Variants in ATP8B4 observed in about 807,000 individuals in gnomAD.
ATP8B4 encodes probable phospholipid-transporting ATPase IM.
In ATP8B4, 133 loss-of-function variants were observed where a neutral mutation model predicts 145.6. The observed-to-expected ratio is 0.91, with a 90% CI of 0.79 to 1.05. The LOEUF is 1.05. Ranked by LOEUF, ATP8B4 falls within the 50% of genes least tolerant of loss-of-function variation. The pLI, the probability that ATP8B4 is intolerant of heterozygous loss-of-function variation, is 0.00. For missense variants in ATP8B4, 1,458 were observed against 1,425.2 expected (o/e 1.02, Z -0.37); for synonymous variants, 507 against 492.9 (o/e 1.03, Z -0.38).
chr15:50,137,479 A>G (rs928946436), intron 1 of ATP8B4, among the ~76,000 whole-genome samples: 1 of 152,204 alleles, frequency 6.6e-6, no homozygotes, highest in African/African-American at 2.4e-5. Context: ...CAAGCGATCA[A>G]TCACCGAATG....
In ATP8B4 at chr15:49,908,067, C is replaced by A. The variant is rs528029823; in HGVS notation, c.2142-6828G>T. The stretch of plus-strand genomic sequence containing the variant: ...TACCCTCTATATACTTCGACTTCCT[C>A]ATATGTCCAACAGGGAAAACAGTAA... On this transcript the variant is annotated intron_variant, in intron 20 of 27. Coordinates refer to ENST00000284509, the MANE Select transcript of ATP8B4 (RefSeq NM_024837.4). 1,482 of 456,046 alleles carry A rather than the reference C, an allele frequency of 3.2e-3. 5 individuals are homozygous for A. The highest frequency in any genetic ancestry group is 3.5e-3 in the Non-Finnish European group (783 of 226,798). 28.2% of individuals were successfully genotyped at this position (456,046 alleles called of 1,614,324 possible).
At chr15:50,073,022 A>ACC (rs2053947503) in intron 3 of ATP8B4, among the ~76,000 whole-genome samples, 1 of 34,972 alleles carries the variant, frequency 2.9e-5, no homozygotes, top group Non-Finnish European at 5.4e-5. Flanking sequence ...ATATATATAC[A>ACC]CACACACACA....
intron 26 of ATP8B4, 39 bp from the exon 27 acceptor site, chr15:49,862,414 G>T (rs2031993804): frequency 6.3e-7 from 1 of 1,591,990 alleles, no homozygotes. Flanking sequence ...GTGGTTACAA[G>T]TAGGACTGAA....
intron 14 of ATP8B4, among the ~76,000 whole-genome samples, chr15:49,935,473 G>A (rs1176636422): frequency 6.6e-6 from 1 of 151,888 alleles, no homozygotes. Flanking sequence ...ATATAATAAC[G>A]GCTGCCATAT....
intron 8 of ATP8B4, among the ~76,000 whole-genome samples, chr15:49,999,203 CA>C (rs959808258): frequency 7.3e-5 from 11 of 150,974 alleles, no homozygotes; most frequent in Non-Finnish European, 1.2e-4. Context: ...ACTATGCAGC[CA>C]AAAAAAATGA....
At chr15:50,107,129 A>T in intron 1 of ATP8B4, 121 bp from the exon 2 acceptor site, 1 of 540,658 alleles carries the variant, frequency 1.8e-6, no homozygotes, top group Non-Finnish European at 3.1e-6. Flanking sequence ...ACAGGAAAGA[A>T]CAACAGATTT....
intron 9 of ATP8B4, among the ~76,000 whole-genome samples, chr15:49,992,000 T>C (rs936341658): frequency 1.3e-5 from 2 of 152,312 alleles, no homozygotes; most frequent in Middle Eastern, 3.4e-3. Context: ...TGGGGTTTTG[T>C]GTCCTTTTGT....
chr15:49,997,979 T>C (rs915063703), intron 8 of ATP8B4, among the ~76,000 whole-genome samples: 2 of 152,026 alleles, frequency 1.3e-5, no homozygotes, highest in African/African-American at 4.8e-5. Context: ...GTGAGAAAAG[T>C]GGTATAGAGG....
At chr15:50,167,903 T>C (rs969438143) in intron 1 of ATP8B4, among the ~76,000 whole-genome samples, 4 of 152,220 alleles carry the variant, frequency 2.6e-5, no homozygotes, top group Non-Finnish European at 5.9e-5. Context: ...AATGGATTCA[T>C]CTGGAGGTGC....
At chr15:49,910,632 A>T (rs1181945609) in intron 20 of ATP8B4, among the ~76,000 whole-genome samples, 3 of 152,204 alleles carry the variant, frequency 2.0e-5, no homozygotes, top group Non-Finnish European at 4.4e-5. Context: ...AGGAGTCTCC[A>T]TCAGACTTAC....
chr15:49,956,648 C>A (rs1021767115), intron 14 of ATP8B4, among the ~76,000 whole-genome samples: 2 of 152,096 alleles, frequency 1.3e-5, no homozygotes, highest in African/African-American at 4.8e-5. Flanking sequence ...CTCAAGTGAT[C>A]CTCCTATCTC....
At chr15:50,006,030 C>T (rs1392975333) in intron 7 of ATP8B4, among the ~76,000 whole-genome samples, 1 of 151,904 alleles carries the variant, frequency 6.6e-6, no homozygotes, top group African/African-American at 2.4e-5. Flanking sequence ...ATACCTCATG[C>T]ATTGAGTCAA....
chr15:50,043,825 C>T (rs1005051080), intron 5 of ATP8B4, among the ~76,000 whole-genome samples: 41 of 151,592 alleles, frequency 2.7e-4, no homozygotes, highest in African/African-American at 4.8e-4. Context: ...CGGTGGCGGG[C>T]GCCTGTGGTC....
intron 27 of ATP8B4, 22 bp downstream of exon 27, chr15:49,862,223 A>G (rs1490556005): frequency 5.6e-6 from 9 of 1,605,372 alleles, no homozygotes; most frequent in African/African-American, 1.3e-5. Context: ...GCCTTCAAGT[A>G]TTCATCAGCA....
chr15:49,877,784 G>A (rs776224570), intron 24 of ATP8B4, among the ~76,000 whole-genome samples: 5 of 152,146 alleles, frequency 3.3e-5, no homozygotes, highest in Non-Finnish European at 7.3e-5. Flanking sequence ...ATTTAGTAGA[G>A]TTCTTGCCAC....
At chr15:50,142,727 C>T (rs1043497221) in intron 1 of ATP8B4, among the ~76,000 whole-genome samples, 17 of 152,152 alleles carry the variant, frequency 1.1e-4, no homozygotes, top group African/African-American at 4.1e-4. Context: ...TTTACTGAGT[C>T]CTGGATACTT....
intron 2 of ATP8B4, among the ~76,000 whole-genome samples, chr15:50,100,798 C>G (rs7170781): frequency 0.33 from 49,774 of 152,042 alleles, 9,163 homozygotes; most frequent in East Asian, 0.65. Context: ...ACAGCCAAAA[C>G]TTAGACTCAC....
chr15:49,953,996 T>C (rs553980381), intron 14 of ATP8B4, among the ~76,000 whole-genome samples: 1 of 152,346 alleles, frequency 6.6e-6, no homozygotes, highest in Non-Finnish European at 1.5e-5. Flanking sequence ...CCGTGGGTCA[T>C]GCCAGCCTTC....
At chr15:49,951,971 C>T (rs142851732) in intron 14 of ATP8B4, among the ~76,000 whole-genome samples, 209 of 152,166 alleles carry the variant, frequency 1.4e-3, no homozygotes, top group African/African-American at 4.7e-3. Flanking sequence ...TGGCTGGATA[C>T]GAAATCCTGG....
Sources: allele counts gnomAD v4.1 joint callset (sites outside exome capture counted in the v4.1 genomes callset), GRCh38; gene constraint gnomAD v4.1.1; transcripts MANE v1.5; gene names NCBI Gene and HGNC (gene_info 2026-07-23, HGNC 2026-07-21).